Variants in GRIN2D observed in about 807,000 individuals in gnomAD.
GRIN2D encodes the protein glutamate receptor ionotropic, NMDA 2D.
Under a neutral mutation model 103.2 loss-of-function variants are expected in GRIN2D, and 37 were observed. That is an observed-to-expected ratio of 0.36 (90% CI 0.28 to 0.47). GRIN2D has a LOEUF of 0.47. Ranked by LOEUF, GRIN2D falls within the 20% of genes least tolerant of loss-of-function variation. The pLI, the probability that GRIN2D is intolerant of heterozygous loss-of-function variation, is 1.00. For missense variants in GRIN2D, 1,557 were observed against 1,910.6 expected (o/e 0.81, Z 3.45); for synonymous variants, 845 against 885.6 (o/e 0.95, Z 0.81).
intron 8 of GRIN2D, 111 bp downstream of exon 8, chr19:48,416,266 C>T (rs1970948169): frequency 1.2e-6 from 1 of 864,814 alleles, no homozygotes; most frequent in South Asian, 1.7e-5. Flanking sequence ...GGTACTTGAA[C>T]CCGCTGTGCA....
intron 3 of GRIN2D, among the ~76,000 whole-genome samples, chr19:48,403,230 A>T (rs276723): frequency 6.9e-6 from 1 of 144,158 alleles, no homozygotes. Flanking sequence ...AAAAGGCTGG[A>T]GGATAGATTT....
chr19:48,408,194 C>T (rs1289530046), intron 4 of GRIN2D, among the ~76,000 whole-genome samples: 2 of 151,622 alleles, frequency 1.3e-5, no homozygotes, highest in African/African-American at 4.9e-5. Context: ...ATTAGCCAGG[C>T]GTGGTGGCGG....
intron 11 of GRIN2D, among the ~76,000 whole-genome samples, chr19:48,431,585 CT>C (rs1377100099): frequency 1.8e-3 from 247 of 140,180 alleles, no homozygotes; most frequent in East Asian, 4.3e-3. Context: ...ATCTGTTTCC[CT>C]TTTTTTTTTT....
At chr19:48,430,946 A>C (rs574738591) in intron 11 of GRIN2D, among the ~76,000 whole-genome samples, 1 of 151,720 alleles carries the variant, frequency 6.6e-6, no homozygotes, top group African/African-American at 2.4e-5. Flanking sequence ...CAGCCTCCCA[A>C]ATAGCTGGGA....
chr19:48,410,304 C>T (rs930808077), intron 4 of GRIN2D, among the ~76,000 whole-genome samples: 8 of 149,486 alleles, frequency 5.4e-5, no homozygotes, highest in South Asian at 2.1e-4. Flanking sequence ...CCGAGGCGGG[C>T]GGATCACGAG....
chr19:48,414,742 T>G lies in GRIN2D; in HGVS notation c.1413-122T>G. ...AACCTCAGAATTCTTTGAGCCTGAG[T>G]TTCCCCTGAAAGCGCTAACCATAGT... On this transcript the variant is annotated intron_variant, in intron 6 of 13. Transcript: ENST00000263269. The surrounding 1 kb of genome is among the most constrained non-coding windows in gnomAD (Gnocchi z 4.6). 7.6e-7 allele frequency: 1 copy of G among 1,311,054 alleles called. No individual in the cohort carries two copies. Among genetic ancestry groups the G allele is most frequent in the Non-Finnish European group, 1.1e-6 (1 of 945,208 alleles). The allele number at this position is 1,311,054 out of a possible 1,614,324, so 81.2% of individuals were successfully genotyped here. A position where few individuals can be genotyped will look rare whatever the true frequency, so the allele number is the denominator to read the frequency against.
chr19:48,437,041 A>C (rs1436049097), intron 11 of GRIN2D, among the ~76,000 whole-genome samples: 1 of 152,202 alleles, frequency 6.6e-6, no homozygotes, highest in Non-Finnish European at 1.5e-5. Context: ...CAAGAAAGAA[A>C]GGACGGATGC....
intron 11 of GRIN2D, among the ~76,000 whole-genome samples, chr19:48,430,736 C>T (rs1971145955): frequency 6.6e-6 from 1 of 151,966 alleles, no homozygotes. Context: ...CTGTCTAAAT[C>T]TCTTCTTGGT....
Position 48,405,656 on chromosome 19 carries a change from C to CA in GRIN2D, c.1085+304dup, listed in dbSNP as rs1569060671. 6.6e-6 allele frequency among the ~76,000 whole-genome samples: 1 copy of CA among 152,180 alleles called. No individual in the cohort carries two copies. The highest frequency in any genetic ancestry group is 1.5e-5 in the Non-Finnish European group (1 of 68,040). ...TGATGACTTATCATGGCTTAATTGG[C>CA]AGCACTTTTGTCTTTCTTTGTGGTA... On this transcript the variant is annotated intron_variant, in intron 4 of 13. Transcript: ENST00000263269. This position sits in a 1 kb window ranked among gnomAD's most constrained non-coding sequence, Gnocchi z 5.1.
chr19:48,416,216 TG>T, intron 8 of GRIN2D, 61 bp downstream of exon 8: 1 of 1,489,122 alleles, frequency 6.7e-7, no homozygotes. Flanking sequence ...CCCAACCGTG[TG>T]GGCCCTGGGA....
chr19:48,415,699 G>GA (rs1404849889), intron 7 of GRIN2D, among the ~76,000 whole-genome samples: 3 of 151,576 alleles, frequency 2.0e-5, no homozygotes, highest in Non-Finnish European at 4.4e-5. Context: ...GAGGGGCCAG[G>GA]AGGGTGAGAA....
Position 48,442,733 on chromosome 19 carries a change from A to G in GRIN2D, c.2807A>G (p.Glu936Gly). Reference sequence around the variant, plus strand: ...GGGCCCGCACCTTTCGTGCCCCGCGAGCGCGCCTCAGTGGACCGCTGGCGC... The same window carrying G: ...GGGCCCGCACCTTTCGTGCCCCGCGGGCGCGCCTCAGTGGACCGCTGGCGC... ...APGPAPFVPR[E>G]RASVDRWRRT... The change falls in exon 14 of 14, where the codon GAG becomes GGG. Residue 936 changes from glutamate (E) to glycine (G), a missense_variant. Coordinates refer to ENST00000263269, the MANE Select transcript of GRIN2D (RefSeq NM_000836.4). This position sits in a 1 kb window ranked among gnomAD's most constrained non-coding sequence, Gnocchi z 7.2. 9.0e-7 allele frequency: 1 copy of G among 1,105,418 alleles called. No individual in the cohort carries two copies. Among genetic ancestry groups the G allele is most frequent in the Non-Finnish European group, 1.1e-6 (1 of 907,140 alleles). 68.5% of individuals were successfully genotyped at this position (1,105,418 alleles called of 1,614,324 possible). A position where few individuals can be genotyped will look rare whatever the true frequency, so the allele number is the denominator to read the frequency against.
chr19:48,440,364 G>A (rs1402157485), intron 11 of GRIN2D, among the ~76,000 whole-genome samples: 14 of 152,082 alleles, frequency 9.2e-5, no homozygotes, highest in African/African-American at 2.7e-4. Context: ...TGGCCAAGGC[G>A]GGAAGATCAC....
rs374801362 is a variant in GRIN2D, at chr19:48,394,853, T to C, written c.-110T>C. ...CCCCCGACATCGGCTCTCTGAGCCC[T>C]CCTCGGAATCTTGGGGTCGCTGGAC... On this transcript the variant is annotated 5_prime_UTR_variant, in exon 2 of 14. Coordinates refer to ENST00000263269, the MANE Select transcript of GRIN2D (RefSeq NM_000836.4). This position sits in a 1 kb window ranked among gnomAD's most constrained non-coding sequence, Gnocchi z 5.1. The C allele has an allele frequency of 5.0e-3, 764 of 154,034 alleles. 3 individuals carry two copies. The highest frequency in any genetic ancestry group is 0.016 in the African/African-American group (662 of 41,496). The allele number at this position is 154,034 out of a possible 1,614,324, so 9.5% of individuals were successfully genotyped here. A position where few individuals can be genotyped will look rare whatever the true frequency, so the allele number is the denominator to read the frequency against.
chr19:48,415,189 G>A (rs1373303373), intron 7 of GRIN2D, among the ~76,000 whole-genome samples, 157 bp downstream of exon 7: 1 of 151,980 alleles, frequency 6.6e-6, no homozygotes, highest in African/African-American at 2.4e-5. Context: ...TGGGCAAAAC[G>A]GTGAAACCCC....
At chr19:48,396,871 C>T (rs2053948670) in intron 2 of GRIN2D, among the ~76,000 whole-genome samples, 1 of 152,020 alleles carries the variant, frequency 6.6e-6, no homozygotes, top group African/African-American at 2.4e-5. Flanking sequence ...TTGTCTGGAC[C>T]CTCACCCCTT....
At chr19:48,441,978 T>C (rs1034880156) in intron 12 of GRIN2D, 22 bp downstream of exon 12, 8 of 1,590,552 alleles carry the variant, frequency 5.0e-6, no homozygotes, top group Non-Finnish European at 6.8e-6. Context: ...CACAGGGATT[T>C]CCACAGCGGA....
intron 11 of GRIN2D, among the ~76,000 whole-genome samples, chr19:48,427,472 CTTTT>C (rs1038381293): frequency 1.2e-4 from 10 of 83,246 alleles, no homozygotes; most frequent in Admixed American, 3.5e-4. Flanking sequence ...ATCTTCTTTT[CTTTT>C]TTTTTTTTTT....
At chr19:48,425,980 T>C (rs1339614421) in intron 11 of GRIN2D, among the ~76,000 whole-genome samples, 2 of 152,106 alleles carry the variant, frequency 1.3e-5, no homozygotes, top group African/African-American at 4.8e-5. Flanking sequence ...TTTGCCTGAT[T>C]TTGAACGTCC....
Sources: gnomAD v4.1 joint callset for allele counts (sites outside exome capture counted in the v4.1 genomes callset) on GRCh38, gnomAD v4.1.1 for gene constraint, Gnocchi (gnomAD v3.1) non-coding constraint, MANE v1.5 for transcripts, NCBI Gene and HGNC (gene_info 2026-07-23, HGNC 2026-07-21) for gene names.